LRRIQ1: variants seen among roughly 807,000 people sequenced by gnomAD.
LRRIQ1 encodes the protein leucine rich repeats and IQ motif containing 1.
Under a neutral mutation model 211.9 loss-of-function variants are expected in LRRIQ1, and 210 were observed. The ratio of observed to expected loss-of-function variants is 0.99; its 90% CI spans 0.89 to 1.11. The LOEUF (loss-of-function observed/expected upper bound fraction) is 1.11, where lower values mean the gene tolerates loss of function less well. Ranked by LOEUF, LRRIQ1 falls within the 50% of genes most tolerant of loss-of-function variation. The pLI, the probability that LRRIQ1 is intolerant of heterozygous loss-of-function variation, is 0.00. For missense variants in LRRIQ1, 2,136 were observed against 1,939.5 expected, an observed-to-expected ratio of 1.10 and a Z score of -1.90; for synonymous variants, 699 against 650.1, an observed-to-expected ratio of 1.08 and a Z score of -1.14.
At position 85,056,075 on chromosome 12, in the gene LRRIQ1, G is replaced by A. The variant is rs1314226065; in HGVS notation, c.1282G>A (p.Asp428Asn). The change falls in exon 8 of 27, where the codon GAT becomes AAT. Residue 428 changes from aspartate (D) to asparagine (N), a missense_variant. Coordinates refer to ENST00000393217, the MANE Select transcript of LRRIQ1 (RefSeq NM_001079910.2). Reference sequence around the variant, plus strand: ...GGGTGATATAGCCAAAAATCTAGTGGATGAAAATTCAAAGAAGCAGGAAGA... The same window carrying A: ...GGGTGATATAGCCAAAAATCTAGTGAATGAAAATTCAAAGAAGCAGGAAGA... Reference protein sequence around the residue: ...DKGDIAKNLVDENSKKQEDVL... With the variant: ...DKGDIAKNLVNENSKKQEDVL... 1 of 1,594,098 alleles carries A rather than the reference G, an allele frequency of 6.3e-7. No individual in the cohort carries two copies. Among genetic ancestry groups the A allele is most frequent in the Non-Finnish European group, 8.5e-7 (1 of 1,174,640 alleles).
At chr12:85,122,925 A>T (rs537944723) in intron 16 of LRRIQ1, among the ~76,000 whole-genome samples, 7 of 152,052 alleles carry the variant, frequency 4.6e-5, no homozygotes, top group Non-Finnish European at 8.8e-5. Flanking sequence ...GAGATTTTAA[A>T]TGTAGTCCTT....
chr12:85,268,309 A>G (rs1020843183), downstream of LRRIQ1, among the ~76,000 whole-genome samples: 2 of 151,940 alleles, frequency 1.3e-5, no homozygotes, highest in African/African-American at 4.8e-5. Context: ...ATAAATTTCT[A>G]ATAGCATGTT....
chr12:85,248,474 C>T (rs1895799395), downstream of LRRIQ1, among the ~76,000 whole-genome samples: 1 of 151,536 alleles, frequency 6.6e-6, no homozygotes, highest in Admixed American at 6.6e-5. Flanking sequence ...TCCCTGCATA[C>T]CCACGAGTGG....
chr12:85,055,532 C>T lies in LRRIQ1; in HGVS notation c.754-15C>T. The T allele has an allele frequency of 6.8e-7, 1 of 1,461,104 alleles. No individual in the cohort carries two copies. Among genetic ancestry groups the T allele is most frequent in the African/African-American group, 1.4e-5 (1 of 69,382 alleles). The allele number at this position is 1,461,104 out of a possible 1,614,324, so 90.5% of individuals were successfully genotyped here. A position where few individuals can be genotyped will look rare whatever the true frequency, so the allele number is the denominator to read the frequency against. On this transcript the variant is annotated splice_polypyrimidine_tract_variant and intron_variant, in intron 7 of 26. Coordinates refer to ENST00000393217, the MANE Select transcript of LRRIQ1 (RefSeq NM_001079910.2). ...TTAGTTTATGCTGACTACCATGTAT[C>T]TTACTTTGTTTTAGGAGTATATTAG... is the stretch of plus-strand genomic sequence containing the variant.
At chr12:85,165,467 C>CTTTTT (rs779566934) in intron 24 of LRRIQ1, among the ~76,000 whole-genome samples, 11 of 118,632 alleles carry the variant, frequency 9.3e-5, no homozygotes, top group East Asian at 2.4e-4. Context: ...TGATTTCTTA[C>CTTTTT]TTTTTTTTTT....
At position 85,258,114 on chromosome 12, in the gene LRRIQ1, A is replaced by G. The variant is rs762241640; in HGVS notation, c.122-4801A>G. Reference sequence around the variant, plus strand: ...CAATGTGATATGTATTAGCTTTTACAGTCATTCTGAATTGTTTTTTCAAAA... The same window carrying G: ...CAATGTGATATGTATTAGCTTTTACGGTCATTCTGAATTGTTTTTTCAAAA... On this transcript the variant is annotated intron_variant, in intron 1 of 1. Transcript: ENST00000602731. Among the ~76,000 whole-genome samples the G allele has an allele frequency of 8.6e-4, 130 of 151,826 alleles. 2 individuals are homozygous for G. The highest frequency in any genetic ancestry group is 3.1e-4 in the Non-Finnish European group (21 of 67,846).
At chr12:85,145,848 T>C (rs184252466) in intron 19 of LRRIQ1, among the ~76,000 whole-genome samples, 1 of 151,764 alleles carries the variant, frequency 6.6e-6, no homozygotes, top group African/African-American at 2.4e-5. Flanking sequence ...TTTGGAAAGA[T>C]AGTCTGTAAC....
intron 24 of LRRIQ1, among the ~76,000 whole-genome samples, chr12:85,202,060 G>A (rs1462256163): frequency 6.6e-6 from 1 of 152,002 alleles, no homozygotes; most frequent in Non-Finnish European, 1.5e-5. Context: ...AGTCATTCAG[G>A]AGCAGGTTTC....
chr12:85,140,998 A>T (rs1391135036), intron 19 of LRRIQ1, among the ~76,000 whole-genome samples: 2 of 151,246 alleles, frequency 1.3e-5, no homozygotes, highest in East Asian at 3.9e-4. Flanking sequence ...TTCTCATTTT[A>T]TTCAAAAAGA....
At chr12:85,062,917 C>T (rs1451210720) in intron 8 of LRRIQ1, among the ~76,000 whole-genome samples, 1 of 151,758 alleles carries the variant, frequency 6.6e-6, no homozygotes, top group Non-Finnish European at 1.5e-5. Context: ...GATGGTATCT[C>T]ATTGTGGTTT....
At chr12:85,181,526 A>T (rs1031243802) in intron 24 of LRRIQ1, among the ~76,000 whole-genome samples, 1 of 152,040 alleles carries the variant, frequency 6.6e-6, no homozygotes, top group African/African-American at 2.4e-5. Context: ...AGAAATGATT[A>T]TATCAATTAC....
intron 1 of LRRIQ1, among the ~76,000 whole-genome samples, chr12:85,250,996 T>C (rs1895927217): frequency 8.6e-6 from 1 of 116,136 alleles, no homozygotes; most frequent in Non-Finnish European, 1.7e-5. Flanking sequence ...TATATTATAT[T>C]ATATATAATA....
At chr12:85,037,573 C>T (rs140779921) in intron 1 of LRRIQ1, among the ~76,000 whole-genome samples, 197 of 150,264 alleles carry the variant, frequency 1.3e-3, no homozygotes, top group Middle Eastern at 3.4e-3. Flanking sequence ...ATGGGTAGAA[C>T]TGATTTTGAG....
At chr12:85,057,239 G>C (rs6539881) in intron 8 of LRRIQ1, 55 bp downstream of exon 8, 591,194 of 1,166,008 alleles carry the variant, frequency 0.51, 155,750 homozygotes, top group African/African-American at 0.87. Flanking sequence ...GCTCTTTAAA[G>C]TATAACTTTT....
At chr12:85,105,382 A>T (rs1886696738) in intron 14 of LRRIQ1, among the ~76,000 whole-genome samples, 2 of 152,090 alleles carry the variant, frequency 1.3e-5, no homozygotes, top group African/African-American at 2.4e-5. Context: ...TGTGAAGTAG[A>T]GGTTGAGTTC....
At chr12:85,243,534 A>G (rs1895568257) in intron 26 of LRRIQ1, among the ~76,000 whole-genome samples, 1 of 150,974 alleles carries the variant, frequency 6.6e-6, no homozygotes, top group African/African-American at 2.4e-5. Flanking sequence ...ACTCAGCAAG[A>G]GCAATACTTG....
rs980209245 is a variant in LRRIQ1, at chr12:85,059,013, T to C, written c.2391+1829T>C. ...TAGATGCTAAAATGTTAAGAAAATATCATCTTTTGTTACCAGACAACTCCT... is the reference window on the plus strand; with the variant it reads ...TAGATGCTAAAATGTTAAGAAAATACCATCTTTTGTTACCAGACAACTCCT... On this transcript the variant is annotated intron_variant, in intron 8 of 26. Coordinates refer to ENST00000393217, the MANE Select transcript of LRRIQ1 (RefSeq NM_001079910.2). Among the ~76,000 whole-genome samples, 5 of 152,090 alleles carry C rather than the reference T, an allele frequency of 3.3e-5. No individual in the cohort carries two copies. The East Asian group carries it at 9.7e-4, about 30-fold the overall frequency.
At chr12:85,259,362 A>G (rs980743085) in intron 1 of LRRIQ1, among the ~76,000 whole-genome samples, 16 of 152,044 alleles carry the variant, frequency 1.1e-4, no homozygotes, top group Non-Finnish European at 2.4e-4. Context: ...TACATTGACC[A>G]TATTAAATTG....
chr12:85,048,089 C>T (rs866720598), intron 6 of LRRIQ1: 1 of 152,238 alleles, frequency 6.6e-6, no homozygotes, highest in East Asian at 1.9e-4. Flanking sequence ...TCATGAGAAC[C>T]TTAGAATATT....
Sources: gnomAD v4.1 joint callset for allele counts (sites outside exome capture counted in the v4.1 genomes callset) on GRCh38, gnomAD v4.1.1 for gene constraint, MANE v1.5 for transcripts, NCBI Gene and HGNC (gene_info 2026-07-23, HGNC 2026-07-21) for gene names.